Variants in GATA4 observed in about 807,000 individuals in gnomAD.
GATA4 encodes the protein transcription factor GATA-4.
A neutral mutation model predicts 37.9 loss-of-function variants in GATA4; 7 were observed. The observed-to-expected ratio is 0.18, with a 90% CI of 0.11 to 0.35. GATA4 has a LOEUF of 0.35. Ranked by LOEUF, GATA4 falls within the 10% of genes least tolerant of loss-of-function variation. The pLI is 1.00. For missense variants in GATA4, 647 were observed against 653.0 expected, an observed-to-expected ratio of 0.99 and a Z score of 0.10; for synonymous variants, 372 against 292.6, an observed-to-expected ratio of 1.27 and a Z score of -2.77.
rs577569073 is a variant in GATA4, at chr8:11,709,252, T to A, written c.616+324T>A. On this transcript the variant is annotated intron_variant, in intron 2 of 6. Transcript: ENST00000532059. This position sits in a 1 kb window ranked among gnomAD's most constrained non-coding sequence, Gnocchi z 4.3. ...TGGGTGACGCGGGAGGACAGCGGGCTCCCTGGAGAGCCGGGGGCAGCGGCC... is the reference window on the plus strand; with the variant it reads ...TGGGTGACGCGGGAGGACAGCGGGCACCCTGGAGAGCCGGGGGCAGCGGCC... 6.6e-6 allele frequency among the ~76,000 whole-genome samples: 1 copy of A among 152,044 alleles called. No homozygotes were observed. Among genetic ancestry groups the A allele is most frequent in the East Asian group, 1.9e-4 (1 of 5,156 alleles).
At chr8:11,726,866 A>G (rs1800949224) in intron 2 of GATA4, among the ~76,000 whole-genome samples, 1 of 152,012 alleles carries the variant, frequency 6.6e-6, no homozygotes, top group South Asian at 2.1e-4. Context: ...AGTGTTCTGG[A>G]CCTGGAGCAG....
chr8:11,699,587 G>C (rs1345369384), upstream of GATA4, among the ~76,000 whole-genome samples: 1 of 152,252 alleles, frequency 6.6e-6, no homozygotes, highest in African/African-American at 2.4e-5. Flanking sequence ...AGCAGGAAAA[G>C]AAACATACAT....
At chr8:11,694,457 C>T (rs923909096) in intron 1 of GATA4, 2 of 984,998 alleles carry the variant, frequency 2.0e-6, no homozygotes, top group East Asian at 2.3e-4. Flanking sequence ...GAACATTGCG[C>T]TGCCACCAGC....
intron 2 of GATA4, among the ~76,000 whole-genome samples, chr8:11,715,458 C>T (rs950624859): frequency 2.0e-5 from 3 of 152,136 alleles, no homozygotes; most frequent in African/African-American, 7.2e-5. Flanking sequence ...GTAAAAATTT[C>T]AAATCATCGG....
In GATA4 at chr8:11,708,490, G is replaced by A; in HGVS notation, c.178G>A (p.Gly60Ser). ...GTCCTACCTCCAGGGCGGAGGCGCG[G>A]GCTCTGCGTCCGGAGGCGCCTCGGG... ...GLSYLQGGGA[G>S]SASGGASGGS... The change falls in exon 2 of 7, where the codon GGC (glycine) becomes AGC (serine). Residue 60 changes from glycine to serine, a missense_variant. Physicochemically the swap from Gly to Ser is moderately conservative, Grantham distance 56. Around this residue, in one of 5 missense-constraint regions of GATA4, gnomAD observed 379 missense variants for 334.5 expected, o/e 1.13. Coordinates refer to ENST00000532059, the MANE Select transcript of GATA4 (RefSeq NM_001308093.3). This position sits in a 1 kb window ranked among gnomAD's most constrained non-coding sequence, Gnocchi z 6.7. The A allele has an allele frequency of 6.7e-7, 1 of 1,495,742 alleles. No homozygotes were observed. Among genetic ancestry groups the A allele is most frequent in the Non-Finnish European group, 8.9e-7 (1 of 1,129,830 alleles). The allele number at this position is 1,495,742 out of a possible 1,614,324, so 92.7% of individuals were successfully genotyped here. A position where few individuals can be genotyped will look rare whatever the true frequency, so the allele number is the denominator to read the frequency against.
intron 2 of GATA4, among the ~76,000 whole-genome samples, chr8:11,726,523 G>A (rs1005519117): frequency 6.6e-6 from 1 of 152,210 alleles, no homozygotes; most frequent in African/African-American, 2.4e-5. Flanking sequence ...AGGGGGACAG[G>A]TGGCAGTGGC....
chr8:11,754,358 A>G (rs1802450033), intron 4 of GATA4, among the ~76,000 whole-genome samples: 1 of 152,144 alleles, frequency 6.6e-6, no homozygotes, highest in Non-Finnish European at 1.5e-5. Context: ...CTGGGACTAC[A>G]GGCATGCAGC....
chr8:11,705,624 A>G (rs575168077), intron 1 of GATA4, among the ~76,000 whole-genome samples: 1 of 152,332 alleles, frequency 6.6e-6, no homozygotes, highest in African/African-American at 2.4e-5. Flanking sequence ...TTTCTCCGCC[A>G]ACTGCAGGAT....
At chr8:11,730,717 T>C (rs1453058677) in intron 2 of GATA4, among the ~76,000 whole-genome samples, 1 of 152,272 alleles carries the variant, frequency 6.6e-6, no homozygotes, top group African/African-American at 2.4e-5. Flanking sequence ...TGTTTCCTGC[T>C]GCCCTGGCAT....
intron 1 of GATA4, among the ~76,000 whole-genome samples, chr8:11,693,562 C>CACACACAGAGAGAG (rs1405047773): frequency 4.2e-5 from 3 of 72,146 alleles, no homozygotes; most frequent in African/African-American, 1.5e-4. Flanking sequence ...CACACACACA[C>CACACACAGAGAGAG]AGAGAGAGAG....
chr8:11,700,209 C>T (rs189088331), upstream of GATA4, among the ~76,000 whole-genome samples: 96 of 152,342 alleles, frequency 6.3e-4, 3 homozygotes, highest in African/African-American at 2.1e-3. Context: ...GTGCCAGAAA[C>T]TCTGGTCCTC....
At chr8:11,687,596 C>A (rs549215396) in intron 1 of GATA4, among the ~76,000 whole-genome samples, 30 of 152,264 alleles carry the variant, frequency 2.0e-4, no homozygotes, top group African/African-American at 6.7e-4. Flanking sequence ...CCATTTCCCC[C>A]TTTTTATAGA....
At position 11,758,433 on chromosome 8, in the gene GATA4, C is replaced by T. The variant is rs1062216; in HGVS notation, c.1290C>T (p.Ser430=). Residue 430 remains serine, a synonymous_variant, in exon 7 of 7, where the codon AGC becomes AGT. Coordinates refer to ENST00000532059, the MANE Select transcript of GATA4 (RefSeq NM_001308093.3). Reference sequence around the variant, plus strand: ...GCTCCAAGCAGGACTCTTGGAACAGCCTGGTCTTGGCCGACAGTCACGGGG... The same window carrying T: ...GCTCCAAGCAGGACTCTTGGAACAGTCTGGTCTTGGCCGACAGTCACGGGG... The part of the protein sequence containing the change: ...QTSSKQDSWN[S]LVLADSHGDI... The T allele has an allele frequency of 1.2e-6, 2 of 1,614,104 alleles. No individual in the cohort carries two copies. Among genetic ancestry groups the T allele is most frequent in the African/African-American group, 2.7e-5 (2 of 74,940 alleles).
intron 5 of GATA4, 148 bp from the exon 6 acceptor site, chr8:11,756,787 G>C: frequency 2.9e-6 from 3 of 1,020,924 alleles, no homozygotes; most frequent in Non-Finnish European, 4.6e-6. Flanking sequence ...GAGAACTGTA[G>C]CCCTCCGCAG....
chr8:11,738,656 A>G (rs141041713), intron 2 of GATA4, among the ~76,000 whole-genome samples: 9 of 152,354 alleles, frequency 5.9e-5, no homozygotes. Context: ...AATTCCTGGA[A>G]GTGGAGTTTC....
At chr8:11,754,818 G>GCT (rs1264086269) in intron 4 of GATA4, among the ~76,000 whole-genome samples, 1 of 152,094 alleles carries the variant, frequency 6.6e-6, no homozygotes, top group Admixed American at 6.5e-5. Flanking sequence ...TATTCTCCAG[G>GCT]CTCTAGTAAA....
Position 11,708,880 on chromosome 8 carries a change from C to T in GATA4, c.568C>T (p.His190Tyr). The change falls in exon 2 of 7, where the codon CAC (histidine) becomes TAC (tyrosine). Residue 190 changes from histidine (H) to tyrosine (Y), a missense_variant. By Grantham distance (83) the His-to-Tyr change is moderately conservative. Around this residue, in one of 5 missense-constraint regions of GATA4, gnomAD observed 379 missense variants for 334.5 expected, o/e 1.13. Transcript: ENST00000532059. This position sits in a 1 kb window ranked among gnomAD's most constrained non-coding sequence, Gnocchi z 6.7. ...CGGCCCCTTCGACAGCCCGGTCCTG[C>T]ACAGCCTGCCCGGCCGGGCCAACCC... ...SAGPFDSPVL[H>Y]SLPGRANPAA... is the part of the protein sequence containing the mutation. 1 of 1,528,584 alleles carries T rather than the reference C, an allele frequency of 6.5e-7. No individual in the cohort carries two copies. 94.7% of individuals were successfully genotyped at this position (1,528,584 alleles called of 1,614,324 possible).
At chr8:11,726,620 G>A (rs2130177803) in intron 2 of GATA4, among the ~76,000 whole-genome samples, 2 of 152,278 alleles carry the variant, frequency 1.3e-5, no homozygotes, top group South Asian at 4.1e-4. Flanking sequence ...GCCCCCAGGG[G>A]AGTGGGGGCG....
intron 2 of GATA4, among the ~76,000 whole-genome samples, chr8:11,725,727 A>G (rs1237167892): frequency 6.6e-6 from 1 of 152,208 alleles, no homozygotes. Flanking sequence ...CTTGGCTCAC[A>G]GCGAGTGCTG....
Sources: allele counts gnomAD v4.1 joint callset (sites outside exome capture counted in the v4.1 genomes callset), GRCh38; gene constraint gnomAD v4.1.1; regional missense constraint gnomAD v4.1.1; non-coding constraint Gnocchi (gnomAD v3.1); transcripts MANE v1.5; gene names NCBI Gene and HGNC (gene_info 2026-07-23, HGNC 2026-07-21).